Variants in POMT2 observed in about 807,000 individuals in gnomAD.
The protein encoded by POMT2 is protein O-mannosyl-transferase 2.
POMT2 carries 75 observed loss-of-function variants against 100.0 expected under a neutral mutation model. That is an observed-to-expected ratio of 0.75 (90% CI 0.62 to 0.91). The LOEUF is 0.91. POMT2 is among the 40% of genes least tolerant of loss of function. The pLI, the probability that POMT2 is intolerant of heterozygous loss-of-function variation, is 0.00. For synonymous variants in POMT2, 378 were observed against 374.1 expected, an observed-to-expected ratio of 1.01 and a Z score of -0.12; for missense variants, 940 against 955.1, an observed-to-expected ratio of 0.98 and a Z score of 0.21.
In POMT2 at chr14:77,318,580, CA is replaced by C. The variant is rs548506934; in HGVS notation, c.248+1853del. Among the ~76,000 whole-genome samples, 223 of 152,198 alleles carry C rather than the reference CA, an allele frequency of 1.5e-3. 2 individuals carry two copies. The highest frequency in any genetic ancestry group is 2.3e-3 in the South Asian group (11 of 4,820). On this transcript the variant is annotated intron_variant, in intron 1 of 20. Coordinates refer to ENST00000261534, the MANE Select transcript of POMT2 (RefSeq NM_013382.7). ...GCTGCAACTGTTCAGTGACACTGCCCATGTGGTTTAAACCACTGTAATGGTA... is the reference window on the plus strand; with the variant it reads ...GCTGCAACTGTTCAGTGACACTGCCCTGTGGTTTAAACCACTGTAATGGTA...
In POMT2 at chr14:77,291,330, T is replaced by G; in HGVS notation, c.1167A>C (p.Lys389Asn). The G allele has an allele frequency of 4.4e-6, 7 of 1,599,482 alleles. No individual in the cohort carries two copies. Among genetic ancestry groups the G allele is most frequent in the Non-Finnish European group, 6.0e-6 (7 of 1,175,422 alleles). Residue 389 changes from lysine (K) to asparagine (N), a missense_variant, in exon 10 of 21, where the codon AAA (lysine) becomes AAC (asparagine). Coordinates refer to ENST00000261534, the MANE Select transcript of POMT2 (RefSeq NM_013382.7). ...CCACATTACCTGAGTTTGTGTTATG[T>G]TTCTTGATAATCCACAGGTTGTTGT... ...KDYNNLWIIK[K>N]HNTNSDPLDP...
chr14:77,309,493 C>T (rs1566660658), intron 2 of POMT2, among the ~76,000 whole-genome samples: 1 of 151,986 alleles, frequency 6.6e-6, no homozygotes, highest in African/African-American at 2.4e-5. Context: ...GCTACTGCAC[C>T]CTCTCACAGG....
At chr14:77,303,621 T>G (rs773854959) in intron 4 of POMT2, among the ~76,000 whole-genome samples, 3 of 152,196 alleles carry the variant, frequency 2.0e-5, no homozygotes, top group Non-Finnish European at 2.9e-5. Flanking sequence ...CACTTCCCTC[T>G]GCCTGAATGC....
Position 77,276,700 on chromosome 14 carries a change from T to C in POMT2, c.*676A>G, listed in dbSNP as rs1048790445. On this transcript the variant is annotated 3_prime_UTR_variant, in exon 21 of 21. Coordinates refer to ENST00000261534, the MANE Select transcript of POMT2 (RefSeq NM_013382.7). The stretch of plus-strand genomic sequence containing the variant: ...ACGCTCCGGAGTCCGCTGCTCTCTG[T>C]GCGTCACAGGCAGGAAGTCCAGCTA... 6.5e-6 allele frequency: 1 copy of C among 153,240 alleles called. No individual in the cohort carries two copies. Among genetic ancestry groups the C allele is most frequent in the Non-Finnish European group, 1.5e-5 (1 of 68,794 alleles). The allele number at this position is 153,240 out of a possible 1,614,324, so 9.5% of individuals were successfully genotyped here.
At chr14:77,285,695 G>T in intron 12 of POMT2, 63 bp from the exon 13 acceptor site, 1 of 1,559,782 alleles carries the variant, frequency 6.4e-7, no homozygotes. Context: ...AAACGTGTCA[G>T]AAAGGGAAAT....
At chr14:77,302,692 T>TAA (rs3217186) in intron 5 of POMT2, 143 bp downstream of exon 5, 30 of 701,314 alleles carry the variant, frequency 4.3e-5, no homozygotes, top group East Asian at 1.1e-4. Context: ...CAATCTAAGT[T>TAA]AAAAAAACAA....
In POMT2 at chr14:77,286,724, C is replaced by T. The variant is rs774415735; in HGVS notation, c.1332+20G>A. 6 of 1,614,118 alleles carry T rather than the reference C, an allele frequency of 3.7e-6. No homozygotes were observed. Among genetic ancestry groups the T allele is most frequent in the African/African-American group, 1.3e-5 (1 of 75,054 alleles). On this transcript the variant is annotated intron_variant, in intron 12 of 20. Transcript: ENST00000261534. ...GCCCATAACTTTTACGTCCTACTCA[C>T]ATCCCCGTTGCTTACTTACTATGCC...
chr14:77,306,553 TC>T, intron 2 of POMT2, 112 bp from the exon 3 acceptor site: 1 of 1,243,230 alleles, frequency 8.0e-7, no homozygotes, highest in Non-Finnish European at 1.1e-6. Context: ...TTGACAACTG[TC>T]CATAGAAAAT....
At chr14:77,311,873 C>CA in intron 2 of POMT2, 76 bp downstream of exon 2, 2 of 1,553,202 alleles carry the variant, frequency 1.3e-6, no homozygotes, top group Non-Finnish European at 1.7e-6. Flanking sequence ...GCCCCAAATC[C>CA]AAAATCAAGA....
intron 6 of POMT2, 65 bp downstream of exon 6, chr14:77,301,025 A>T: frequency 3.1e-6 from 5 of 1,611,432 alleles, no homozygotes; most frequent in Admixed American, 1.7e-5. Context: ...AGAGAAGGCC[A>T]CCAGCTCCTA....
intron 3 of POMT2, among the ~76,000 whole-genome samples, chr14:77,305,320 T>C (rs1891186916): frequency 6.6e-6 from 1 of 152,224 alleles, no homozygotes; most frequent in Non-Finnish European, 1.5e-5. Flanking sequence ...AGGGATTGCT[T>C]GATACTTCAG....
chr14:77,300,109 T>G (rs534912531), intron 6 of POMT2: 1 of 196,180 alleles, frequency 5.1e-6, no homozygotes, highest in East Asian at 1.2e-4. Context: ...GGGACCATAT[T>G]ATATTCATCT....
rs1416940075 is a variant in POMT2 at position 77,280,057 on chromosome 14, A to G, written c.1749T>C (p.Asn583=). The G allele has an allele frequency of 1.2e-6, 2 of 1,613,872 alleles. No homozygotes were observed. Among genetic ancestry groups the G allele is most frequent in the Non-Finnish European group, 1.7e-6 (2 of 1,180,004 alleles). Residue 583 remains asparagine (N), a synonymous_variant, in exon 17 of 21, where the codon AAT becomes AAC. Transcript: ENST00000261534. ...GCAGATAGACTCGGAAATCTGTGTC[A>G]TTGACCCCTGAGAAGCGTAGGCCCT... ...NYQGLRFSGV[N]DTDFRVYLLG... is the part of the protein sequence containing the mutation.
At chr14:77,284,310 G>A (rs1397306692) in intron 14 of POMT2, 5 of 270,320 alleles carry the variant, frequency 1.8e-5, no homozygotes, top group African/African-American at 1.1e-4. Context: ...TCGCCAATAT[G>A]TCCACAGGGC....
chr14:77,302,067 G>C (rs1406037969), intron 5 of POMT2, among the ~76,000 whole-genome samples: 2 of 152,214 alleles, frequency 1.3e-5, no homozygotes, highest in Non-Finnish European at 2.9e-5. Context: ...CAAAGCCAGA[G>C]TGGGCTGAGA....
chr14:77,315,361 G>A (rs774042993), intron 1 of POMT2, among the ~76,000 whole-genome samples: 5 of 152,200 alleles, frequency 3.3e-5, no homozygotes, highest in Non-Finnish European at 5.9e-5. Context: ...CTCTCCGACT[G>A]GGAAATGGCA....
At chr14:77,295,242 G>C (rs1428258065) in intron 9 of POMT2, among the ~76,000 whole-genome samples, 1 of 152,142 alleles carries the variant, frequency 6.6e-6, no homozygotes, top group Admixed American at 6.5e-5. Flanking sequence ...ATACTCACAT[G>C]GCTAATCTTT....
intron 10 of POMT2, 76 bp downstream of exon 10, chr14:77,291,238 T>C: frequency 1.4e-6 from 2 of 1,396,224 alleles, no homozygotes; most frequent in Non-Finnish European, 2.0e-6. Flanking sequence ...GATCATTCTT[T>C]TGCAGGCATG....
chr14:77,318,392 G>C (rs186870881), intron 1 of POMT2, among the ~76,000 whole-genome samples: 1 of 152,162 alleles, frequency 6.6e-6, no homozygotes, highest in Admixed American at 6.5e-5. Flanking sequence ...CTATTCCCAC[G>C]TGCCTGATGA....
Sources: gnomAD v4.1 joint callset for allele counts (sites outside exome capture counted in the v4.1 genomes callset) on GRCh38, gnomAD v4.1.1 for gene constraint, MANE v1.5 for transcripts, NCBI Gene and HGNC (gene_info 2026-07-23, HGNC 2026-07-21) for gene names.